The following SAMD3 variants were observed in gnomAD, a reference collection of about 807,000 sequenced individuals.
The protein encoded by SAMD3 is sterile alpha motif domain containing 3, also known as sterile alpha motif domain-containing protein 3.
Under a neutral mutation model 58.5 loss-of-function variants are expected in SAMD3, and 63 were observed. That is an observed-to-expected ratio of 1.08 (90% CI 0.88 to 1.33). The LOEUF (loss-of-function observed/expected upper bound fraction) is 1.33. Among genes scored for constraint, SAMD3 ranks in the 40% most tolerant of loss-of-function variants. The pLI is 0.00. For missense variants in SAMD3, 604 were observed against 608.4 expected (o/e 0.99, Z 0.08); for synonymous variants, 220 against 210.3 (o/e 1.05, Z -0.40).
rs561494772 is a variant in SAMD3 at position 130,344,665 on chromosome 6, T to C, written c.-304+20455A>G. ...TCAAAGTGCTGAGTGCTGAGATTAC[T>C]GGCGTGAGCCATGGAGCCCAGCCAT... is the stretch of plus-strand genomic sequence containing the variant. On this transcript the variant is annotated intron_variant, in intron 1 of 13. Transcript: ENST00000368134. 4.3e-3 allele frequency among the ~76,000 whole-genome samples: 654 copies of C among 152,094 alleles called. 5 individuals carry two copies. The highest frequency in any genetic ancestry group is 0.015 in the African/African-American group (630 of 41,476).
At chr6:130,364,907 A>AC (rs545611408) in intron 1 of SAMD3, among the ~76,000 whole-genome samples, 156 of 107,666 alleles carry the variant, frequency 1.4e-3, no homozygotes, top group African/African-American at 4.1e-3. Context: ...CGGATTTTAT[A>AC]CCCCCCCAGA....
intron 2 of SAMD3, among the ~76,000 whole-genome samples, chr6:130,244,477 C>A (rs573912671): frequency 6.6e-6 from 1 of 152,034 alleles, no homozygotes; most frequent in African/African-American, 2.4e-5. Flanking sequence ...GGTGGCCCAG[C>A]CTTGTAATCC....
Position 130,232,022 on chromosome 6 carries a change from A to T in SAMD3, c.-187-9209T>A, listed in dbSNP as rs187942170. ...ACAAATTTTAATTTTATTTAATTTTAATTAATTTAAATTCAAATGGCCACA... is the reference window on the plus strand; with the variant it reads ...ACAAATTTTAATTTTATTTAATTTTTATTAATTTAAATTCAAATGGCCACA... On this transcript the variant is annotated intron_variant, in intron 2 of 13. Transcript: ENST00000368134. Among the ~76,000 whole-genome samples the T allele has an allele frequency of 9.7e-3, 1,477 of 152,248 alleles. 15 individuals carry two copies. The highest frequency in any genetic ancestry group is 0.027 in the Middle Eastern group (8 of 292).
At chr6:130,151,518 C>G (rs966783526) in intron 9 of SAMD3, among the ~76,000 whole-genome samples, 1 of 151,964 alleles carries the variant, frequency 6.6e-6, no homozygotes, top group Admixed American at 6.6e-5. Context: ...CTCGGCTCAC[C>G]GCACCCTCCG....
intron 2 of SAMD3, among the ~76,000 whole-genome samples, chr6:130,275,058 A>AAT (rs1774726932): frequency 6.6e-6 from 1 of 152,208 alleles, no homozygotes; most frequent in African/African-American, 2.4e-5. Context: ...ACTGTATCAA[A>AAT]ATATACATTT....
intron 1 of SAMD3, among the ~76,000 whole-genome samples, chr6:130,313,984 T>TATG (rs1402140003): frequency 1.3e-5 from 2 of 152,236 alleles, no homozygotes; most frequent in Admixed American, 1.3e-4. Context: ...CTTGTAGATT[T>TATG]ATGGCTTTTA....
At chr6:130,235,242 T>A (rs1773105352) in intron 2 of SAMD3, among the ~76,000 whole-genome samples, 1 of 152,270 alleles carries the variant, frequency 6.6e-6, no homozygotes, top group Non-Finnish European at 1.5e-5. Flanking sequence ...TGTAATCATA[T>A]TGTCTTCTGG....
intron 1 of SAMD3, among the ~76,000 whole-genome samples, chr6:130,319,384 T>G (rs1356025548): frequency 6.6e-6 from 1 of 151,224 alleles, no homozygotes; most frequent in South Asian, 2.1e-4. Context: ...AAAGAAAAAT[T>G]TAAAAGCCCG....
intron 7 of SAMD3, chr6:130,183,133 G>A (rs78427498): frequency 0.024 from 7,736 of 316,194 alleles, 146 homozygotes; most frequent in Non-Finnish European, 0.031. Flanking sequence ...AAACGTCAGC[G>A]GCAGTGGTTC....
chr6:130,261,467 C>T (rs1174846605), intron 2 of SAMD3, among the ~76,000 whole-genome samples: 1 of 152,140 alleles, frequency 6.6e-6, no homozygotes, highest in Admixed American at 6.5e-5. Flanking sequence ...TTTGACTTGA[C>T]TTGGATTGCT....
At chr6:130,348,724 G>A (rs1037297806) in intron 1 of SAMD3, among the ~76,000 whole-genome samples, 45 of 151,992 alleles carry the variant, frequency 3.0e-4, no homozygotes, top group African/African-American at 7.7e-4. Flanking sequence ...TGCAGCAAGC[G>A]GACCTAATAG....
At chr6:130,283,737 G>T (rs951002812) in intron 2 of SAMD3, among the ~76,000 whole-genome samples, 1 of 152,064 alleles carries the variant, frequency 6.6e-6, no homozygotes, top group Non-Finnish European at 1.5e-5. Flanking sequence ...GATGAATAAC[G>T]ACTTTTAAAG....
chr6:130,267,372 A>G (rs1215457861), intron 2 of SAMD3, among the ~76,000 whole-genome samples: 2 of 152,168 alleles, frequency 1.3e-5, no homozygotes. Flanking sequence ...TCACTACCTT[A>G]GTTCACCAAA....
intron 7 of SAMD3, chr6:130,183,428 C>A (rs1327928948): frequency 4.4e-6 from 2 of 452,824 alleles, no homozygotes; most frequent in Non-Finnish European, 8.8e-6. Flanking sequence ...AGAGATCTGA[C>A]AGGGCCAGGT....
At chr6:130,259,640 AT>A (rs369660656) in intron 2 of SAMD3, among the ~76,000 whole-genome samples, 401 of 152,312 alleles carry the variant, frequency 2.6e-3, no homozygotes, top group Non-Finnish European at 4.6e-3. Flanking sequence ...TCAGTACCCG[AT>A]TTAGAGGAAA....
At chr6:130,288,896 T>C (rs929850629) in intron 2 of SAMD3, among the ~76,000 whole-genome samples, 5 of 152,172 alleles carry the variant, frequency 3.3e-5, no homozygotes, top group South Asian at 2.1e-4. Context: ...CTATTTAAGA[T>C]GGTATCTTTT....
At chr6:130,184,410 G>A in intron 6 of SAMD3, 28 bp downstream of exon 6, 4 of 1,600,916 alleles carry the variant, frequency 2.5e-6, no homozygotes, top group Non-Finnish European at 3.4e-6. Context: ...CTTTCCCAAA[G>A]CAGCAAGCTT....
intron 8 of SAMD3, among the ~76,000 whole-genome samples, chr6:130,162,566 T>A (rs1339618154): frequency 6.6e-6 from 1 of 152,206 alleles, no homozygotes; most frequent in African/African-American, 2.4e-5. Flanking sequence ...TGTCGTGAAC[T>A]CCTGGGCTCA....
At chr6:130,320,820 A>C (rs528979707) in intron 1 of SAMD3, among the ~76,000 whole-genome samples, 1 of 152,328 alleles carries the variant, frequency 6.6e-6, no homozygotes, top group African/African-American at 2.4e-5. Flanking sequence ...CAGCAGGTCC[A>C]TGTCTACCTT....
Sources: allele counts gnomAD v4.1 joint callset (sites outside exome capture counted in the v4.1 genomes callset), GRCh38; gene constraint gnomAD v4.1.1; transcripts MANE v1.5; gene names NCBI Gene and HGNC (gene_info 2026-07-23, HGNC 2026-07-21).